OR51I2: variants seen among roughly 807,000 people sequenced by gnomAD.
The protein encoded by OR51I2 is olfactory receptor family 51 subfamily I member 2.
In OR51I2, 6 loss-of-function variants were observed where a neutral mutation model predicts 9.3. The ratio of observed to expected loss-of-function variants is 0.64; its 90% CI spans 0.35 to 1.27. The LOEUF (loss-of-function observed/expected upper bound fraction) is 1.27. Among genes scored for constraint, OR51I2 ranks in the 50% most tolerant of loss-of-function variants. The pLI is 0.03. For missense variants in OR51I2, 489 were observed against 396.4 expected, an observed-to-expected ratio of 1.23 and a Z score of -1.98; for synonymous variants, 179 against 143.1, an observed-to-expected ratio of 1.25 and a Z score of -1.79.
Position 5,454,282 on chromosome 11 carries a change from G to A in OR51I2, c.794G>A (p.Gly265Glu). 6.2e-7 allele frequency: 1 copy of A among 1,614,112 alleles called. No individual in the cohort carries two copies. Among genetic ancestry groups the A allele is most frequent in the Non-Finnish European group, 8.5e-7 (1 of 1,180,002 alleles). The part of the protein sequence containing the change: ...MIGVSTVHRF[G>E]KHVPCYIHVL... Reference sequence around the variant, plus strand: ...GGGGTCTCCACAGTGCACCGCTTTGGGAAGCATGTCCCATGCTACATACAT... The same window carrying A: ...GGGGTCTCCACAGTGCACCGCTTTGAGAAGCATGTCCCATGCTACATACAT... Residue 265 changes from glycine to glutamate, a missense_variant, in exon 2 of 2, where the codon GGG (glycine) becomes GAG (glutamate). By Grantham distance (98) the Gly-to-Glu change is moderately conservative. Transcript: ENST00000641930.
chr11:5,449,781 T>C (rs1258822807), intron 1 of OR51I2, among the ~76,000 whole-genome samples: 3 of 152,174 alleles, frequency 2.0e-5, no homozygotes, highest in African/African-American at 7.2e-5. Flanking sequence ...GCACATGTGG[T>C]TTAATTTTGC....
At position 5,455,731 on chromosome 11, in the gene OR51I2, T is replaced by C. The variant is rs1191110963; in HGVS notation, c.*1304T>C. 1 of 152,142 alleles carries C rather than the reference T, an allele frequency of 6.6e-6. No individual in the cohort carries two copies. The highest frequency in any genetic ancestry group is 2.4e-5 in the African/African-American group (1 of 41,414). The allele number at this position is 152,142 out of a possible 1,614,324, so 9.4% of individuals were successfully genotyped here. ...GTTATCTAGAGGTTTTTTCTCTTTG[T>C]ATTGAGGAAATACCAACAAGAGAGA... On this transcript the variant is annotated 3_prime_UTR_variant, in exon 2 of 2. Coordinates refer to ENST00000641930, the MANE Select transcript of OR51I2 (RefSeq NM_001004754.3).
chr11:5,453,373 C>T lies in OR51I2; in HGVS notation c.-116C>T. 1 of 660,534 alleles carries T rather than the reference C, an allele frequency of 1.5e-6. No individual in the cohort carries two copies. The highest frequency in any genetic ancestry group is 2.4e-6 in the Non-Finnish European group (1 of 417,850). 40.9% of individuals were successfully genotyped at this position (660,534 alleles called of 1,614,324 possible). A position where few individuals can be genotyped will look rare whatever the true frequency, so the allele number is the denominator to read the frequency against. Reference sequence around the variant, plus strand: ...TGAATGCGTCAGTTTCCATTTATGTCAACATCATCGCTTTGTCTCTTATCT... The same window carrying T: ...TGAATGCGTCAGTTTCCATTTATGTTAACATCATCGCTTTGTCTCTTATCT... On this transcript the variant is annotated 5_prime_UTR_variant, in exon 2 of 2. Coordinates refer to ENST00000641930, the MANE Select transcript of OR51I2 (RefSeq NM_001004754.3).
At chr11:5,450,585 T>C (rs1388267661) in intron 1 of OR51I2, among the ~76,000 whole-genome samples, 3 of 152,298 alleles carry the variant, frequency 2.0e-5, no homozygotes, top group Admixed American at 2.0e-4. Flanking sequence ...GTTCCAGGAA[T>C]AGGAGAATTT....
In OR51I2 at chr11:5,450,797, C is replaced by T. The variant is rs1009207632; in HGVS notation, c.-231+1433C>T. 4.6e-5 allele frequency among the ~76,000 whole-genome samples: 7 copies of T among 152,172 alleles called. No homozygotes were observed. In the East Asian group the frequency reaches 1.3e-3, roughly 29 times the overall value. On this transcript the variant is annotated intron_variant, in intron 1 of 1. Coordinates refer to ENST00000641930, the MANE Select transcript of OR51I2 (RefSeq NM_001004754.3). ...GAAGAGAGTCACTGTTCAACTCCCG[C>T]TTATGAGTGAGAGCATGCGGTGTTT...
At chr11:5,451,592 G>A (rs6578647) in intron 1 of OR51I2, among the ~76,000 whole-genome samples, 60,246 of 152,020 alleles carry the variant, frequency 0.4, 13,153 homozygotes, top group Non-Finnish European at 0.5. Flanking sequence ...TGTGAGTTAT[G>A]TATTGCTGGG....
intron 1 of OR51I2, among the ~76,000 whole-genome samples, chr11:5,450,903 T>G (rs558827024): frequency 1.2e-4 from 18 of 152,126 alleles, no homozygotes; most frequent in Non-Finnish European, 2.4e-4. Context: ...ATGACCTGCA[T>G]GCTCTGCACA....
Position 5,454,283 on chromosome 11 carries a change from G to T in OR51I2, c.795G>T (p.Gly265=). Residue 265 remains glycine (G), a synonymous_variant, in exon 2 of 2, where the codon GGG becomes GGT. Coordinates refer to ENST00000641930, the MANE Select transcript of OR51I2 (RefSeq NM_001004754.3). The stretch of plus-strand genomic sequence containing the variant: ...GGGTCTCCACAGTGCACCGCTTTGG[G>T]AAGCATGTCCCATGCTACATACATG... ...MIGVSTVHRF[G]KHVPCYIHVL... is the part of the protein sequence containing the mutation. 1.9e-6 allele frequency: 3 copies of T among 1,614,160 alleles called. No individual in the cohort carries two copies. The highest frequency in any genetic ancestry group is 2.5e-6 in the Non-Finnish European group (3 of 1,180,012).
rs1198953800 is a variant in OR51I2 at position 5,455,572 on chromosome 11, A to AGG, written c.*1146_*1147insGG. The AGG allele has an allele frequency of 3.3e-5, 5 of 149,806 alleles. No homozygotes were observed. Among genetic ancestry groups the AGG allele is most frequent in the African/African-American group, 1.3e-4 (5 of 39,906 alleles). The allele number at this position is 149,806 out of a possible 1,614,324, so 9.3% of individuals were successfully genotyped here. A position where few individuals can be genotyped will look rare whatever the true frequency, so the allele number is the denominator to read the frequency against. ...GGGGGAGAAAGAAGGGGGGAGAGAG[A>AGG]GAGAGAAAGAGAAAGAGAGAAAGAG... On this transcript the variant is annotated 3_prime_UTR_variant, in exon 2 of 2. Coordinates refer to ENST00000641930, the MANE Select transcript of OR51I2 (RefSeq NM_001004754.3).
At position 5,453,994 on chromosome 11, in the gene OR51I2, G is replaced by T. The variant is rs749617762; in HGVS notation, c.506G>T (p.Cys169Phe). 1 of 1,613,930 alleles carries T rather than the reference G, an allele frequency of 6.2e-7. No individual in the cohort carries two copies. The highest frequency in any genetic ancestry group is 1.7e-5 in the Admixed American group (1 of 60,026). ...TTTCTTATTAAGAGGCTGCCTATCTGCAGATCCAATGTTCTTTCTCACTCC... is the reference window on the plus strand; with the variant it reads ...TTTCTTATTAAGAGGCTGCCTATCTTCAGATCCAATGTTCTTTCTCACTCC... ...LPFLIKRLPI[C>F]RSNVLSHSYC... Residue 169 changes from cysteine (C) to phenylalanine (F), a missense_variant, in exon 2 of 2, where the codon TGC (cysteine) becomes TTC (phenylalanine). Physicochemically the swap from Cys to Phe is radical, Grantham distance 205. Transcript: ENST00000641930.
chr11:5,455,414 A>C lies in OR51I2; in HGVS notation c.*987A>C, dbSNP rs1312176365. 6.6e-6 allele frequency: 1 copy of C among 151,940 alleles called. No homozygotes were observed. Among genetic ancestry groups the C allele is most frequent in the Non-Finnish European group, 1.5e-5 (1 of 67,970 alleles). The allele number at this position is 151,940 out of a possible 1,614,324, so 9.4% of individuals were successfully genotyped here. On this transcript the variant is annotated 3_prime_UTR_variant, in exon 2 of 2. Coordinates refer to ENST00000641930, the MANE Select transcript of OR51I2 (RefSeq NM_001004754.3). The stretch of plus-strand genomic sequence containing the variant: ...ACTTATGGTTTAGATACCAGAAAAT[A>C]ATTCTTTCAGACCTTCTCATACGCT...
chr11:5,456,468 A>G lies in OR51I2; in HGVS notation c.*2041A>G, dbSNP rs1850962930. 1 of 152,140 alleles carries G rather than the reference A, an allele frequency of 6.6e-6. No homozygotes were observed. Among genetic ancestry groups the G allele is most frequent in the African/African-American group, 2.4e-5 (1 of 41,414 alleles). The allele number at this position is 152,140 out of a possible 1,614,324, so 9.4% of individuals were successfully genotyped here. A position where few individuals can be genotyped will look rare whatever the true frequency, so the allele number is the denominator to read the frequency against. ...GTTTTTGTTTTTTTGACCTTGGGTT[A>G]AAAACTCTTTAACTTCTTTTTATTT... On this transcript the variant is annotated 3_prime_UTR_variant, in exon 2 of 2. Coordinates refer to ENST00000641930, the MANE Select transcript of OR51I2 (RefSeq NM_001004754.3).
chr11:5,454,555 C>A lies in OR51I2; in HGVS notation c.*128C>A. 1 of 723,522 alleles carries A rather than the reference C, an allele frequency of 1.4e-6. No homozygotes were observed. Among genetic ancestry groups the A allele is most frequent in the Non-Finnish European group, 2.3e-6 (1 of 438,680 alleles). 44.8% of individuals were successfully genotyped at this position (723,522 alleles called of 1,614,324 possible). A position where few individuals can be genotyped will look rare whatever the true frequency, so the allele number is the denominator to read the frequency against. On this transcript the variant is annotated 3_prime_UTR_variant, in exon 2 of 2. Transcript: ENST00000641930. Reference sequence around the variant, plus strand: ...AAAAGTAGGCCAGGAGATGGTGATGCAAAACTTATAACACAAAACAAGGAG... The same window carrying A: ...AAAAGTAGGCCAGGAGATGGTGATGAAAAACTTATAACACAAAACAAGGAG...
Position 5,454,123 on chromosome 11 carries a change from T to G in OR51I2, c.635T>G (p.Phe212Cys). Residue 212 changes from phenylalanine (F) to cysteine (C), a missense_variant, in exon 2 of 2, where the codon TTT becomes TGT. By Grantham distance (205) the Phe-to-Cys change is radical. Transcript: ENST00000641930. ...GTATCCACCTTTGGCATGGACCTGT[T>G]TTTTATCTTCCTCTCCTATGTGCTC... ...VLVSTFGMDL[F>C]FIFLSYVLIL... The G allele has an allele frequency of 6.2e-7, 1 of 1,614,204 alleles. No homozygotes were observed. Among genetic ancestry groups the G allele is most frequent in the Non-Finnish European group, 8.5e-7 (1 of 1,180,042 alleles).
Position 5,454,529 on chromosome 11 carries a change from GA to G in OR51I2, c.*106del. ...GTATAAGATAGATTGTGTGCTGCGGGAAAAGTAGGCCAGGAGATGGTGATGC... is the reference window on the plus strand; with the variant it reads ...GTATAAGATAGATTGTGTGCTGCGGGAAAGTAGGCCAGGAGATGGTGATGC... On this transcript the variant is annotated 3_prime_UTR_variant, in exon 2 of 2. Coordinates refer to ENST00000641930, the MANE Select transcript of OR51I2 (RefSeq NM_001004754.3). 3 of 1,005,064 alleles carry G rather than the reference GA, an allele frequency of 3.0e-6. No homozygotes were observed. The highest frequency in any genetic ancestry group is 4.4e-6 in the Non-Finnish European group (3 of 683,628). The allele number at this position is 1,005,064 out of a possible 1,614,324, so 62.3% of individuals were successfully genotyped here.
chr11:5,456,112 G>A lies in OR51I2; in HGVS notation c.*1685G>A, dbSNP rs1442212476. 5 of 152,152 alleles carry A rather than the reference G, an allele frequency of 3.3e-5. No homozygotes were observed. The highest frequency in any genetic ancestry group is 7.3e-5 in the Non-Finnish European group (5 of 68,030). 9.4% of individuals were successfully genotyped at this position (152,152 alleles called of 1,614,324 possible). A position where few individuals can be genotyped will look rare whatever the true frequency, so the allele number is the denominator to read the frequency against. ...AAATGCAAAGGCAAGGCTTAGGGAA[G>A]CCGCCAAATGAAAGTAAACTCTCAC... On this transcript the variant is annotated 3_prime_UTR_variant, in exon 2 of 2. Coordinates refer to ENST00000641930, the MANE Select transcript of OR51I2 (RefSeq NM_001004754.3).
chr11:5,451,138 C>T (rs1850841429), intron 1 of OR51I2, among the ~76,000 whole-genome samples: 1 of 152,176 alleles, frequency 6.6e-6, no homozygotes, highest in Non-Finnish European at 1.5e-5. Context: ...CATTTTCTTT[C>T]TCAGTATTAC....
At position 5,454,456 on chromosome 11, in the gene OR51I2, T is replaced by G; in HGVS notation, c.*29T>G. ...TCACACTTGGCTTTAGAATCTGTTA[T>G]TTTGGCCATAGGCTCTCATCAGTAG... On this transcript the variant is annotated 3_prime_UTR_variant, in exon 2 of 2. Transcript: ENST00000641930. 1 of 1,555,238 alleles carries G rather than the reference T, an allele frequency of 6.4e-7. No individual in the cohort carries two copies. Among genetic ancestry groups the G allele is most frequent in the African/African-American group, 1.3e-5 (1 of 74,226 alleles).
rs943060931 is a variant in OR51I2 at position 5,455,790 on chromosome 11, A to G, written c.*1363A>G. ...AAGAGGGAGCTATTTTAAAAATGAG[A>G]TAATGTAAGTACTTGGGATTCAGAT... On this transcript the variant is annotated 3_prime_UTR_variant, in exon 2 of 2. Coordinates refer to ENST00000641930, the MANE Select transcript of OR51I2 (RefSeq NM_001004754.3). 1 of 152,118 alleles carries G rather than the reference A, an allele frequency of 6.6e-6. No homozygotes were observed. Among genetic ancestry groups the G allele is most frequent in the African/African-American group, 2.4e-5 (1 of 41,428 alleles). The allele number at this position is 152,118 out of a possible 1,614,324, so 9.4% of individuals were successfully genotyped here. A position where few individuals can be genotyped will look rare whatever the true frequency, so the allele number is the denominator to read the frequency against.
Sources: allele counts gnomAD v4.1 joint callset (sites outside exome capture counted in the v4.1 genomes callset), GRCh38; gene constraint gnomAD v4.1.1; transcripts MANE v1.5; gene names NCBI Gene and HGNC (gene_info 2026-07-23, HGNC 2026-07-21).